Variants in CFAP61 observed in about 807,000 individuals in gnomAD.
The protein encoded by CFAP61 is cilia and flagella associated protein 61, also known as cilia- and flagella-associated protein 61.
A neutral mutation model predicts 135.6 loss-of-function variants in CFAP61; 107 were observed. The observed-to-expected ratio is 0.79, with a 90% CI of 0.67 to 0.93. The LOEUF (loss-of-function observed/expected upper bound fraction) is 0.93, where lower values mean the gene tolerates loss of function less well. Among genes scored for constraint, CFAP61 ranks in the 40% least tolerant of loss-of-function variants. CFAP61 has a pLI of 0.00. For synonymous variants in CFAP61, 575 were observed against 578.5 expected, an observed-to-expected ratio of 0.99 and a Z score of 0.09; for missense variants, 1,507 against 1,556.2, an observed-to-expected ratio of 0.97 and a Z score of 0.53.
chr20:20,222,131 C>T (rs550666021), intron 17 of CFAP61: 9 of 152,190 alleles, frequency 5.9e-5, no homozygotes, highest in South Asian at 2.1e-4. Flanking sequence ...TGATGAAATC[C>T]GGTAAAATCC....
intron 25 of CFAP61, among the ~76,000 whole-genome samples, chr20:20,305,012 G>C (rs921399097): frequency 2.0e-5 from 3 of 152,140 alleles, no homozygotes; most frequent in African/African-American, 7.2e-5. Context: ...TTCTTTGTAT[G>C]AGCCCATCAG....
At chr20:20,157,195 T>C (rs1171676729) in intron 9 of CFAP61, among the ~76,000 whole-genome samples, 2 of 152,088 alleles carry the variant, frequency 1.3e-5, no homozygotes, top group Admixed American at 6.6e-5. Context: ...GCCTCAGCCT[T>C]CCAAGTAGCT....
At chr20:20,265,759 G>T (rs1332094292) in intron 21 of CFAP61, 2 of 385,236 alleles carry the variant, frequency 5.2e-6, no homozygotes, top group Admixed American at 4.2e-5. Flanking sequence ...ATTTAACTCT[G>T]TGTAGAGGCC....
intron 20 of CFAP61, among the ~76,000 whole-genome samples, chr20:20,255,511 T>A (rs973973572): frequency 6.6e-6 from 1 of 152,128 alleles, no homozygotes; most frequent in African/African-American, 2.4e-5. Context: ...TCGGCAATGT[T>A]ACATTGTCTC....
intron 25 of CFAP61, chr20:20,322,611 G>A (rs916170721): frequency 3.2e-5 from 25 of 791,368 alleles, no homozygotes; most frequent in East Asian, 1.3e-4. Flanking sequence ...TATATTTGCC[G>A]TGGTAAATGG....
At chr20:20,296,284 C>CCCTTCCCTCCTTCCTTCCTTCCTT (rs1569260300) in intron 24 of CFAP61, among the ~76,000 whole-genome samples, 4 of 17,062 alleles carry the variant, frequency 2.3e-4, no homozygotes, top group African/African-American at 9.0e-4. Flanking sequence ...CTTCCCTCAT[C>CCCTTCCCTCCTTCCTTCCTTCCTT]CCTTCCCTCC....
At chr20:20,226,320 T>TG (rs1181415370) in intron 17 of CFAP61, 1 of 152,236 alleles carries the variant, frequency 6.6e-6, no homozygotes, top group Non-Finnish European at 1.5e-5. Context: ...GAACATGCTC[T>TG]GGCTCTCTTG....
intron 26 of CFAP61, among the ~76,000 whole-genome samples, chr20:20,355,627 G>T (rs892309776): frequency 2.9e-4 from 39 of 132,358 alleles, no homozygotes; most frequent in East Asian, 7.5e-4. Flanking sequence ...AGGGGAGAAG[G>T]TCACACTAAG....
intron 22 of CFAP61, among the ~76,000 whole-genome samples, chr20:20,280,916 G>A (rs529890941): frequency 6.6e-6 from 1 of 152,110 alleles, no homozygotes. Flanking sequence ...TGTGGGTGTG[G>A]CATGGTGTGT....
At chr20:20,112,344 A>G (rs2048855860) in intron 8 of CFAP61, among the ~76,000 whole-genome samples, 1 of 152,176 alleles carries the variant, frequency 6.6e-6, no homozygotes, top group Non-Finnish European at 1.5e-5. Flanking sequence ...TATTCATAAC[A>G]TTTACATAAA....
chr20:20,291,169 C>T (rs1314062698), intron 24 of CFAP61, among the ~76,000 whole-genome samples: 2 of 152,134 alleles, frequency 1.3e-5, no homozygotes, highest in Admixed American at 6.5e-5. Context: ...ACATTATTAT[C>T]AACTAAAGCC....
chr20:20,324,750 GAA>G (rs1457214849), intron 25 of CFAP61, among the ~76,000 whole-genome samples: 2 of 152,194 alleles, frequency 1.3e-5, no homozygotes, highest in African/African-American at 4.8e-5. Context: ...GCAGGAGGAA[GAA>G]AGAGTGGGAA....
Position 20,159,389 on chromosome 20 carries a change from C to T in CFAP61, c.971C>T (p.Ala324Val). The change falls in exon 10 of 27, where the codon GCT becomes GTT. Residue 324 changes from alanine (A) to valine (V), a missense_variant. By Grantham distance (64) the Ala-to-Val change is moderately conservative. Coordinates refer to ENST00000245957, the MANE Select transcript of CFAP61 (RefSeq NM_015585.4). ...TTCCAGGGAAATATTGCCAGAGAAG[C>T]TGCATCCGAGGAAGCTTTAACAGCA... is the stretch of plus-strand genomic sequence containing the variant. ...ENIQGNIARE[A>V]ASEEALTAVQ... 1 of 1,613,936 alleles carries T rather than the reference C, an allele frequency of 6.2e-7. No individual in the cohort carries two copies. Among genetic ancestry groups the T allele is most frequent in the Non-Finnish European group, 8.5e-7 (1 of 1,179,826 alleles).
intron 8 of CFAP61, among the ~76,000 whole-genome samples, chr20:20,108,007 T>G (rs2048530068): frequency 1.3e-5 from 2 of 152,218 alleles, no homozygotes; most frequent in Non-Finnish European, 2.9e-5. Flanking sequence ...AAAGTAGTTA[T>G]ATAAAAATAT....
intron 8 of CFAP61, among the ~76,000 whole-genome samples, chr20:20,103,951 C>T (rs1044120281): frequency 3.3e-5 from 5 of 152,122 alleles, no homozygotes; most frequent in Admixed American, 3.3e-4. Context: ...TCATGTAGGC[C>T]GTTGAGATCT....
At chr20:20,265,319 A>C in intron 21 of CFAP61, 1 of 775,986 alleles carries the variant, frequency 1.3e-6, no homozygotes, top group South Asian at 1.4e-5. Context: ...GCAAGGTCTT[A>C]AGGTGGAATA....
intron 26 of CFAP61, among the ~76,000 whole-genome samples, chr20:20,356,119 G>GA (rs2059141136): frequency 7.8e-6 from 1 of 128,854 alleles, no homozygotes. Context: ...GTCACACTGA[G>GA]GGGAGGTAGT....
At position 20,237,478 on chromosome 20, in the gene CFAP61, C is replaced by T. The variant is rs184828294; in HGVS notation, c.2061-8639C>T. Among the ~76,000 whole-genome samples the T allele has an allele frequency of 2.3e-3, 344 of 152,336 alleles. 2 individuals carry two copies. Among genetic ancestry groups the T allele is most frequent in the African/African-American group, 8.1e-3 (337 of 41,574 alleles). Reference sequence around the variant, plus strand: ...AGCTTGTAACCTCTGTCTCACCCCACGAACTGCCCACTCCCTTCTAGATGT... The same window carrying T: ...AGCTTGTAACCTCTGTCTCACCCCATGAACTGCCCACTCCCTTCTAGATGT... On this transcript the variant is annotated intron_variant, in intron 18 of 26. Transcript: ENST00000245957.
At chr20:20,191,462 CTAT>C in intron 15 of CFAP61, 43 bp downstream of exon 15, 1 of 1,465,756 alleles carries the variant, frequency 6.8e-7, no homozygotes, top group Non-Finnish European at 9.5e-7. Context: ...TTGTGCCTTG[CTAT>C]ATCATGAATT....
Sources: gnomAD v4.1 joint callset for allele counts (sites outside exome capture counted in the v4.1 genomes callset) on GRCh38, gnomAD v4.1.1 for gene constraint, MANE v1.5 for transcripts, NCBI Gene and HGNC (gene_info 2026-07-23, HGNC 2026-07-21) for gene names.